CS: variants seen among roughly 807,000 people sequenced by gnomAD.
CS encodes the protein citrate synthase, also known as citrate synthase, mitochondrial.
A neutral mutation model predicts 61.4 loss-of-function variants in CS; 13 were observed. The observed-to-expected ratio is 0.21, with a 90% CI of 0.14 to 0.34. The LOEUF is 0.34. Ranked by LOEUF, CS falls within the 10% of genes least tolerant of loss-of-function variation. The pLI, the probability that CS is intolerant of heterozygous loss-of-function variation, is 1.00. For missense variants in CS, 278 were observed against 573.4 expected (o/e 0.48, Z 5.26); for synonymous variants, 159 against 215.2 (o/e 0.74, Z 2.29).
At chr12:56,297,502 C>T (rs1565624728) in intron 1 of CS, among the ~76,000 whole-genome samples, 1 of 152,020 alleles carries the variant, frequency 6.6e-6, no homozygotes, top group African/African-American at 2.4e-5. Context: ...TAAAAAAATT[C>T]GCCAGTCTGG....
At chr12:56,273,479 CTG>C in intron 10 of CS, 106 bp downstream of exon 10, 6 of 1,184,874 alleles carry the variant, frequency 5.1e-6, no homozygotes, top group Non-Finnish European at 7.3e-6. Flanking sequence ...TCAAAATGCT[CTG>C]TGAGGGAAGT....
intron 10 of CS, 119 bp from the exon 11 acceptor site, chr12:56,273,373 T>C: frequency 4.4e-6 from 5 of 1,133,174 alleles, no homozygotes; most frequent in Non-Finnish European, 6.3e-6. Context: ...CTTAGCCCAG[T>C]CAACCTTAAA....
chr12:56,276,292 T>C (rs1872622605), intron 6 of CS, 97 bp from the exon 7 acceptor site: 1 of 1,146,662 alleles, frequency 8.7e-7, no homozygotes, highest in Non-Finnish European at 1.3e-6. Flanking sequence ...TTGGGGCTAT[T>C]TGGGTTGATG....
At chr12:56,297,812 T>G (rs1466239786) in intron 1 of CS, among the ~76,000 whole-genome samples, 2 of 152,104 alleles carry the variant, frequency 1.3e-5, no homozygotes, top group Non-Finnish European at 2.9e-5. Flanking sequence ...TCCCAAAGTC[T>G]ACCTTACTAG....
At chr12:56,290,665 G>A (rs1873093465) in intron 1 of CS, among the ~76,000 whole-genome samples, 1 of 151,916 alleles carries the variant, frequency 6.6e-6, no homozygotes, top group Non-Finnish European at 1.5e-5. Flanking sequence ...TTCAACTTAG[G>A]ACAACTTTAT....
chr12:56,278,982 C>T (rs906482725), intron 6 of CS, among the ~76,000 whole-genome samples: 1 of 151,988 alleles, frequency 6.6e-6, no homozygotes, highest in African/African-American at 2.4e-5. Flanking sequence ...GCCATGTTGG[C>T]CAGACTGGTC....
intron 6 of CS, among the ~76,000 whole-genome samples, chr12:56,282,090 C>G (rs1307759526): frequency 2.0e-5 from 3 of 152,160 alleles, no homozygotes; most frequent in Non-Finnish European, 4.4e-5. Flanking sequence ...AACTCCTGAC[C>G]TCGTGATCTG....
At chr12:56,281,000 C>T (rs1419785772) in intron 6 of CS, among the ~76,000 whole-genome samples, 1 of 152,162 alleles carries the variant, frequency 6.6e-6, no homozygotes, top group Non-Finnish European at 1.5e-5. Flanking sequence ...TTAATATTGA[C>T]CAACTAAATC....
At chr12:56,275,291 T>G in intron 7 of CS, 160 bp from the exon 8 acceptor site, 1 of 849,166 alleles carries the variant, frequency 1.2e-6, no homozygotes. Context: ...CATCCTAATC[T>G]TGGCCAGGCA....
chr12:56,285,785 A>G (rs1332643319), intron 3 of CS, 131 bp downstream of exon 3: 2 of 751,030 alleles, frequency 2.7e-6, no homozygotes, highest in Non-Finnish European at 4.7e-6. Context: ...AGGATGGGGA[A>G]AAGTCATCCT....
At chr12:56,284,546 G>A (rs1220862819) in intron 3 of CS, among the ~76,000 whole-genome samples, 1 of 151,112 alleles carries the variant, frequency 6.6e-6, no homozygotes, top group Non-Finnish European at 1.5e-5. Context: ...GAGTAGCTGG[G>A]ATTATAGGCA....
intron 10 of CS, 162 bp downstream of exon 10, chr12:56,273,425 A>AAACAGAGC (rs1304043370): frequency 2.2e-5 from 22 of 983,462 alleles, no homozygotes; most frequent in Non-Finnish European, 3.3e-5. Context: ...GGGATTCTGA[A>AAACAGAGC]AACAGAGCAA....
chr12:56,292,501 G>C (rs564426246), intron 1 of CS, among the ~76,000 whole-genome samples: 2 of 152,040 alleles, frequency 1.3e-5, no homozygotes, highest in East Asian at 3.9e-4. Flanking sequence ...TAGGGTGGAT[G>C]CATCAGGGTA....
At chr12:56,286,764 A>C (rs113098277) in intron 1 of CS, 119 bp from the exon 2 acceptor site, 15 of 886,308 alleles carry the variant, frequency 1.7e-5, no homozygotes, top group African/African-American at 1.2e-4. Context: ...GGGCAGTTTG[A>C]CATAAGAAAG....
At chr12:56,288,740 C>G (rs994501689) in intron 1 of CS, among the ~76,000 whole-genome samples, 1 of 151,902 alleles carries the variant, frequency 6.6e-6, no homozygotes, top group Non-Finnish European at 1.5e-5. Flanking sequence ...CCTTCAATTC[C>G]TGGGCTCAAG....
At chr12:56,279,940 C>A (rs889580020) in intron 6 of CS, among the ~76,000 whole-genome samples, 2 of 151,674 alleles carry the variant, frequency 1.3e-5, no homozygotes, top group Non-Finnish European at 2.9e-5. Flanking sequence ...TGCACTCCAG[C>A]CTGGGCAACA....
chr12:56,298,400 CTCTGTCATCCCAAAAGTGTTCTGA>C (rs1873374276), intron 1 of CS, among the ~76,000 whole-genome samples: 1 of 152,100 alleles, frequency 6.6e-6, no homozygotes, highest in Non-Finnish European at 1.5e-5. Flanking sequence ...AATTATGTAG[CTCTGTCATCCCAAAAGTGTTCTGA>C]GCTTCCCTAT....
intron 6 of CS, among the ~76,000 whole-genome samples, chr12:56,278,514 G>A (rs184305086): frequency 2.8e-4 from 42 of 152,100 alleles, no homozygotes; most frequent in East Asian, 1.8e-3. Flanking sequence ...TGAGGAGCGC[G>A]GATCAAGAGG....
At chr12:56,286,487 C>T in intron 2 of CS, 108 bp downstream of exon 2, 2 of 820,230 alleles carry the variant, frequency 2.4e-6, no homozygotes, top group Non-Finnish European at 4.1e-6. Context: ...CAAACACTTC[C>T]AGGAAATACT....
Sources: gnomAD v4.1 joint callset for allele counts (sites outside exome capture counted in the v4.1 genomes callset) on GRCh38, gnomAD v4.1.1 for gene constraint, MANE v1.5 for transcripts, NCBI Gene and HGNC (gene_info 2026-07-23, HGNC 2026-07-21) for gene names.